GMDS: variants seen among roughly 807,000 people sequenced by gnomAD.
The protein encoded by GMDS is GDP-mannose 4,6-dehydratase.
GMDS carries 20 observed loss-of-function variants against 49.9 expected under a neutral mutation model. The ratio of observed to expected loss-of-function variants is 0.40; its 90% CI spans 0.28 to 0.58. The LOEUF (loss-of-function observed/expected upper bound fraction) is 0.58, where lower values mean the gene tolerates loss of function less well. Ranked by LOEUF, GMDS falls within the 20% of genes least tolerant of loss-of-function variation. GMDS has a pLI of 0.42. For synonymous variants in GMDS, 177 were observed against 178.6 expected, an observed-to-expected ratio of 0.99 and a Z score of 0.07; for missense variants, 362 against 481.4, an observed-to-expected ratio of 0.75 and a Z score of 2.32.
intron 4 of GMDS, among the ~76,000 whole-genome samples, chr6:2,052,142 A>AAAAAAAAAAAAAAAAAAAAT: frequency 6.7e-6 from 1 of 150,168 alleles, no homozygotes; most frequent in Non-Finnish European, 1.5e-5. Context: ...AAAAAAAAAA[A>AAAAAAAAAAAAAAAAAAAAT]ACAGAAAAGA....
At chr6:2,039,633 A>G (rs1769531595) in intron 4 of GMDS, among the ~76,000 whole-genome samples, 1 of 151,914 alleles carries the variant, frequency 6.6e-6, no homozygotes, top group African/African-American at 2.4e-5. Context: ...CACACACATT[A>G]CCCTAGGCTT....
chr6:1,721,318 T>C (rs1005772384), intron 9 of GMDS, among the ~76,000 whole-genome samples: 5 of 152,206 alleles, frequency 3.3e-5, no homozygotes, highest in Admixed American at 6.5e-5. Context: ...TTCTTAGTTC[T>C]AGGTTTTAAC....
chr6:2,207,072 C>G (rs1165115989), intron 1 of GMDS, among the ~76,000 whole-genome samples: 1 of 152,316 alleles, frequency 6.6e-6, no homozygotes, highest in Middle Eastern at 3.4e-3. Flanking sequence ...TTAGGTGAAG[C>G]TGCACATAAG....
At chr6:1,832,190 A>G (rs1028042038) in intron 7 of GMDS, among the ~76,000 whole-genome samples, 3 of 151,106 alleles carry the variant, frequency 2.0e-5, no homozygotes, top group Non-Finnish European at 4.4e-5. Context: ...CAGGAGTTTG[A>G]GACCAGCCTG....
At chr6:2,222,875 T>C (rs1780654697) in intron 1 of GMDS, among the ~76,000 whole-genome samples, 1 of 152,192 alleles carries the variant, frequency 6.6e-6, no homozygotes, top group Admixed American at 6.5e-5. Context: ...TTTTTAGATG[T>C]GATTAACATT....
At chr6:2,121,926 C>A (rs973567729) in intron 2 of GMDS, among the ~76,000 whole-genome samples, 6 of 152,124 alleles carry the variant, frequency 3.9e-5, no homozygotes, top group Admixed American at 1.3e-4. Context: ...GCACAGCTGG[C>A]CTTACCACTG....
intron 6 of GMDS, among the ~76,000 whole-genome samples, chr6:1,939,037 C>T (rs1315757372): frequency 4.1e-5 from 6 of 144,588 alleles, no homozygotes; most frequent in Non-Finnish European, 6.0e-5. Flanking sequence ...TTTTTTGGCA[C>T]ATCCAAAGTT....
chr6:2,159,966 T>C (rs1414668331), intron 1 of GMDS, among the ~76,000 whole-genome samples: 2 of 152,212 alleles, frequency 1.3e-5, no homozygotes, highest in African/African-American at 2.4e-5. Flanking sequence ...TGCAATTTTA[T>C]AGTCATATTA....
chr6:2,189,380 T>C (rs1778917555), intron 1 of GMDS, among the ~76,000 whole-genome samples: 1 of 152,136 alleles, frequency 6.6e-6, no homozygotes, highest in Non-Finnish European at 1.5e-5. Flanking sequence ...AGATATCAAA[T>C]GGACAACTGG....
At chr6:1,660,838 G>C (rs1218460207) in intron 9 of GMDS, among the ~76,000 whole-genome samples, 1 of 149,322 alleles carries the variant, frequency 6.7e-6, no homozygotes, top group Non-Finnish European at 1.5e-5. Flanking sequence ...GAGTCTTTGA[G>C]AGCTGCCTAG....
Position 1,874,624 on chromosome 6 carries a change from A to T in GMDS, c.771+55479T>A, listed in dbSNP as rs116577304. On this transcript the variant is annotated intron_variant, in intron 7 of 10. Transcript: ENST00000380815. ...AGTTATATGTCAGTAACCCTTTAAA[A>T]AAGCAATACATTAGGAAGCTAGGGG... Among the ~76,000 whole-genome samples, 904 of 152,318 alleles carry T rather than the reference A, an allele frequency of 5.9e-3. 9 individuals are homozygous for T. The highest frequency in any genetic ancestry group is 0.02 in the African/African-American group (850 of 41,558).
chr6:1,897,249 G>T (rs571497701), intron 7 of GMDS, among the ~76,000 whole-genome samples: 1 of 152,102 alleles, frequency 6.6e-6, no homozygotes, highest in Non-Finnish European at 1.5e-5. Context: ...ACGTACTCCT[G>T]GGGTCTCTTC....
chr6:1,785,731 G>C lies in GMDS; in HGVS notation c.772-43145C>G, dbSNP rs1561803915. Among the ~76,000 whole-genome samples, 6 of 152,194 alleles carry C rather than the reference G, an allele frequency of 3.9e-5. 1 individual carries two copies. The South Asian group carries it at 1.2e-3, about 32-fold the overall frequency. On this transcript the variant is annotated intron_variant, in intron 7 of 10. Transcript: ENST00000380815. Reference sequence around the variant, plus strand: ...GGGAAGGAGGCTCCATCTCCTGATGGGGGTAGCAAGGCTCTGGAAGAGCAT... The same window carrying C: ...GGGAAGGAGGCTCCATCTCCTGATGCGGGTAGCAAGGCTCTGGAAGAGCAT...
chr6:1,717,213 G>A (rs1410094331), intron 9 of GMDS, among the ~76,000 whole-genome samples: 3 of 152,198 alleles, frequency 2.0e-5, no homozygotes, highest in African/African-American at 7.2e-5. Flanking sequence ...ATGAATCTGG[G>A]TAGTTTTAAG....
chr6:1,924,625 C>A (rs181463610), intron 7 of GMDS, among the ~76,000 whole-genome samples: 2 of 152,166 alleles, frequency 1.3e-5, no homozygotes, highest in African/African-American at 2.4e-5. Context: ...CCATATACTG[C>A]CATTTGTAGC....
chr6:1,655,680 C>T (rs898622927), intron 9 of GMDS, among the ~76,000 whole-genome samples: 17 of 152,070 alleles, frequency 1.1e-4, no homozygotes, highest in Non-Finnish European at 2.2e-4. Context: ...ATCTTTTGTA[C>T]TTTCAGTAGA....
intron 6 of GMDS, among the ~76,000 whole-genome samples, chr6:1,945,668 G>T (rs916282064): frequency 1.3e-5 from 2 of 152,080 alleles, no homozygotes; most frequent in Non-Finnish European, 2.9e-5. Flanking sequence ...CCAGCCACTC[G>T]GGAGGCTGAG....
intron 9 of GMDS, among the ~76,000 whole-genome samples, chr6:1,666,890 C>T (rs2113266962): frequency 6.6e-6 from 1 of 152,340 alleles, no homozygotes; most frequent in Middle Eastern, 3.4e-3. Flanking sequence ...ACCTTCTGCC[C>T]AGCAGTGAAT....
Position 1,639,655 on chromosome 6 carries a change from G to C in GMDS, c.988-15115C>G, listed in dbSNP as rs1011221734. On this transcript the variant is annotated intron_variant, in intron 9 of 10. Transcript: ENST00000380815. ...GTAATCCCAGCACCTGGGAGGCCAA[G>C]GCAGGTGGATTGCTTGAGCTCACAA... Among the ~76,000 whole-genome samples the C allele has an allele frequency of 5.9e-5, 9 of 152,358 alleles. No individual in the cohort carries two copies. The East Asian group carries it at 1.2e-3, about 20-fold the overall frequency.
Sources: gnomAD v4.1 joint callset for allele counts (sites outside exome capture counted in the v4.1 genomes callset) on GRCh38, gnomAD v4.1.1 for gene constraint, MANE v1.5 for transcripts, NCBI Gene and HGNC (gene_info 2026-07-23, HGNC 2026-07-21) for gene names.